PARP11: variants seen among roughly 807,000 people sequenced by gnomAD.
PARP11 encodes protein mono-ADP-ribosyltransferase PARP11.
A neutral mutation model predicts 42.9 loss-of-function variants in PARP11; 31 were observed. The ratio of observed to expected loss-of-function variants is 0.72; its 90% CI spans 0.54 to 0.98. PARP11 has a LOEUF of 0.98. PARP11 is among the 50% of genes least tolerant of loss of function. The pLI, the probability that PARP11 is intolerant of heterozygous loss-of-function variation, is 0.00. For missense variants in PARP11, 365 were observed against 413.1 expected (o/e 0.88, Z 1.01); for synonymous variants, 137 against 127.3 (o/e 1.08, Z -0.51).
intron 1 of PARP11, among the ~76,000 whole-genome samples, chr12:3,833,795 A>G (rs1475428371): frequency 6.6e-6 from 1 of 152,142 alleles, no homozygotes; most frequent in African/African-American, 2.4e-5. Context: ...ACATCCTACC[A>G]GGTCTGTATT....
Position 3,814,118 on chromosome 12 carries a change from T to C in PARP11, c.619A>G (p.Ser207Gly), listed in dbSNP as rs2138007048. Residue 207 changes from serine to glycine, a missense_variant, in exon 7 of 8, where the codon AGC (serine) becomes GGC (glycine). Coordinates refer to ENST00000228820, the MANE Select transcript of PARP11 (RefSeq NM_020367.6). ...CAGATTGCTTCCACAAATTCACTGC[T>C]GGTACCATGAAACAGCATTTGTTCA... ...INEQMLFHGT[S>G]SEFVEAICIH... 6.2e-7 allele frequency: 1 copy of C among 1,609,902 alleles called. No individual in the cohort carries two copies. Among genetic ancestry groups the C allele is most frequent in the South Asian group, 1.1e-5 (1 of 90,456 alleles).
chr12:3,842,327 A>T, intron 1 of PARP11: 4 of 1,609,428 alleles, frequency 2.5e-6, no homozygotes, highest in Non-Finnish European at 3.4e-6. Flanking sequence ...AGCAGGAAGT[A>T]CAAAAGTGAT....
At chr12:3,845,063 T>C (rs1302482735) in intron 1 of PARP11, among the ~76,000 whole-genome samples, 1 of 152,216 alleles carries the variant, frequency 6.6e-6, no homozygotes, top group Non-Finnish European at 1.5e-5. Context: ...ATTATGATCA[T>C]ACATATTTTG....
At chr12:3,872,992 ATTG>A (rs1474911658) in intron 1 of PARP11, among the ~76,000 whole-genome samples, 2 of 152,238 alleles carry the variant, frequency 1.3e-5, no homozygotes, top group Admixed American at 1.3e-4. Context: ...AAAATAAATA[ATTG>A]TAACAAGAAA....
In PARP11 at chr12:3,829,021, T is replaced by G. The variant is rs1234643789; in HGVS notation, c.157A>C (p.Asn53His). The G allele has an allele frequency of 6.2e-7, 1 of 1,614,016 alleles. No homozygotes were observed. Among genetic ancestry groups the G allele is most frequent in the Non-Finnish European group, 8.5e-7 (1 of 1,179,922 alleles). ...GKWHMFQPDT[N>H]SQCSVSSEDI... Reference sequence around the variant, plus strand: ...TCACTGCTAACTGAACACTGACTGTTGGTATCCGGCTTTAAGACAAACCAG... The same window carrying G: ...TCACTGCTAACTGAACACTGACTGTGGGTATCCGGCTTTAAGACAAACCAG... The change falls in exon 3 of 8, where the codon AAC becomes CAC. Residue 53 changes from asparagine to histidine, a missense_variant. Asn to His is a moderately conservative substitution (Grantham distance 68). Coordinates refer to ENST00000228820, the MANE Select transcript of PARP11 (RefSeq NM_020367.6).
At chr12:3,822,889 T>C (rs1947430094) in intron 4 of PARP11, among the ~76,000 whole-genome samples, 2 of 152,224 alleles carry the variant, frequency 1.3e-5, no homozygotes, top group African/African-American at 4.8e-5. Context: ...ATTCATTCGA[T>C]GTTCTCCAAG....
chr12:3,867,188 C>T (rs1434145390), intron 1 of PARP11, among the ~76,000 whole-genome samples: 1 of 152,156 alleles, frequency 6.6e-6, no homozygotes, highest in East Asian at 1.9e-4. Context: ...TGTTATGTTA[C>T]TAAAAGATTC....
chr12:3,827,274 G>A (rs1267510643), intron 3 of PARP11, among the ~76,000 whole-genome samples: 1 of 152,086 alleles, frequency 6.6e-6, no homozygotes, highest in Non-Finnish European at 1.5e-5. Context: ...CAGAGGGTTG[G>A]GGAACTCCAG....
chr12:3,840,329 A>G lies in PARP11; in HGVS notation c.19-10311T>C. ...AGCTGGAACACAGTGTCAGGGAAGA[A>G]GATGAAAAAACCTTCCACTTCTGGA... On this transcript the variant is annotated intron_variant, in intron 1 of 7. Transcript: ENST00000228820. The surrounding 1 kb of genome is among the most constrained non-coding windows in gnomAD (Gnocchi z 4.4). 1 of 1,614,154 alleles carries G rather than the reference A, an allele frequency of 6.2e-7. No individual in the cohort carries two copies. The highest frequency in any genetic ancestry group is 8.5e-7 in the Non-Finnish European group (1 of 1,179,972).
chr12:3,841,333 C>T, intron 1 of PARP11: 2 of 1,222,360 alleles, frequency 1.6e-6, no homozygotes, highest in Admixed American at 1.7e-5. Context: ...ACATTCTTAC[C>T]TGTACCCTCT....
chr12:3,816,060 C>T (rs12424633), intron 6 of PARP11, among the ~76,000 whole-genome samples: 29,296 of 152,064 alleles, frequency 0.19, 3,458 homozygotes, highest in East Asian at 0.36. Flanking sequence ...ATCAGAAGGT[C>T]GTGCATTTAG....
rs375575295 is a variant in PARP11, at chr12:3,812,254, G to A, written c.886C>T (p.Arg296Ter). The A allele has an allele frequency of 6.8e-6, 11 of 1,614,126 alleles. No homozygotes were observed. Among genetic ancestry groups the A allele is most frequent in the South Asian group, 2.2e-5 (2 of 91,090 alleles). Residue 296 changes from arginine (R) to a stop codon, truncating the protein, a stop_gained, in exon 8 of 8, where the codon CGA (arginine) becomes TGA (stop). Transcript: ENST00000228820. LOFTEE classifies it high-confidence loss of function. The stretch of plus-strand genomic sequence containing the variant: ...TAGCTCCCGTCTTTGGAAGGAGGTC[G>A]CATGTATTTGGAGTCTCCGTTTATG... ...DYINGDSKYMRPPSKDGSYVN... is the reference protein window; with the variant it reads ...DYINGDSKYM
rs765592829 is a variant in PARP11, at chr12:3,821,982, T to C, written c.439A>G (p.Thr147Ala). 2.5e-6 allele frequency: 4 copies of C among 1,609,524 alleles called. No individual in the cohort carries two copies. Among genetic ancestry groups the C allele is most frequent in the Admixed American group, 1.7e-5 (1 of 58,484 alleles). Residue 147 changes from threonine to alanine, a missense_variant, in exon 6 of 8, where the codon ACA becomes GCA. Coordinates refer to ENST00000228820, the MANE Select transcript of PARP11 (RefSeq NM_020367.6). Reference protein sequence around the residue: ...PYQLIPLHNQTHEYNEVANLF... With the variant: ...PYQLIPLHNQAHEYNEVANLF... ...TTAGCAACTTCATTATATTCATGTG[T>C]TTGATTGTGCAGAGGAATAAGCTGG...
At chr12:3,838,255 T>A (rs915118475) in intron 1 of PARP11, among the ~76,000 whole-genome samples, 1 of 151,870 alleles carries the variant, frequency 6.6e-6, no homozygotes, top group African/African-American at 2.4e-5. Context: ...GTATCACTTA[T>A]CTTTTCTGAC....
chr12:3,835,936 A>G (rs796206435), intron 1 of PARP11, among the ~76,000 whole-genome samples: 122 of 152,304 alleles, frequency 8.0e-4, no homozygotes, highest in African/African-American at 2.6e-3. Flanking sequence ...AAATAACTAC[A>G]GTATCAGAAG....
At chr12:3,831,655 T>C (rs959811857) in intron 1 of PARP11, among the ~76,000 whole-genome samples, 4 of 152,186 alleles carry the variant, frequency 2.6e-5, no homozygotes, top group African/African-American at 9.6e-5. Flanking sequence ...ACTCAAGCAA[T>C]GCTTTATGAT....
chr12:3,811,887 G>T lies in PARP11; in HGVS notation c.*236C>A. 2.1e-6 allele frequency: 1 copy of T among 486,946 alleles called. No individual in the cohort carries two copies. The highest frequency in any genetic ancestry group is 3.6e-5 in the South Asian group (1 of 27,580). The allele number at this position is 486,946 out of a possible 1,614,324, so 30.2% of individuals were successfully genotyped here. The stretch of plus-strand genomic sequence containing the variant: ...TTTGAATGGTATCTTTCACCCCTAT[G>T]TGTTAAAACATCAATGATATCAACT... On this transcript the variant is annotated 3_prime_UTR_variant, in exon 8 of 8. Transcript: ENST00000228820.
intron 1 of PARP11, 105 bp downstream of exon 1, chr12:3,873,107 A>C (rs1948523429): frequency 9.9e-6 from 11 of 1,109,128 alleles, no homozygotes; most frequent in Non-Finnish European, 1.5e-5. Flanking sequence ...GGAACTCAAC[A>C]CCCAGACTGA....
At chr12:3,868,675 C>T (rs1228893988) in intron 1 of PARP11, among the ~76,000 whole-genome samples, 1 of 152,168 alleles carries the variant, frequency 6.6e-6, no homozygotes, top group African/African-American at 2.4e-5. Flanking sequence ...ATCTAAGATG[C>T]AGCTTGAATT....
Sources: allele counts gnomAD v4.1 joint callset (sites outside exome capture counted in the v4.1 genomes callset), GRCh38; gene constraint gnomAD v4.1.1; non-coding constraint Gnocchi (gnomAD v3.1); transcripts MANE v1.5; gene names NCBI Gene and HGNC (gene_info 2026-07-23, HGNC 2026-07-21).